The following PSMD1 variants were observed in gnomAD, a reference collection of about 807,000 sequenced individuals.
The protein encoded by PSMD1 is 26S proteasome non-ATPase regulatory subunit 1.
In PSMD1, 18 loss-of-function variants were observed where a neutral mutation model predicts 119.0. The observed-to-expected ratio is 0.15, with a 90% CI of 0.10 to 0.22. The LOEUF (loss-of-function observed/expected upper bound fraction) is 0.22, where lower values mean the gene tolerates loss of function less well. PSMD1 is among the 10% of genes least tolerant of loss of function. The pLI is 1.00. For missense variants in PSMD1, 702 were observed against 1,158.5 expected (o/e 0.61, Z 5.72); for synonymous variants, 374 against 396.6 (o/e 0.94, Z 0.68).
intron 7 of PSMD1, among the ~76,000 whole-genome samples, chr2:231,074,214 T>G (rs1180174113): frequency 1.3e-5 from 2 of 152,180 alleles, no homozygotes; most frequent in African/African-American, 4.8e-5. Flanking sequence ...CAAGCAATTC[T>G]CCTGCCTCAG....
chr2:231,114,188 G>A (rs1251133170), intron 16 of PSMD1, among the ~76,000 whole-genome samples: 1 of 152,012 alleles, frequency 6.6e-6, no homozygotes, highest in Non-Finnish European at 1.5e-5. Flanking sequence ...TAACTTTTTA[G>A]CATTATTATG....
rs1696898521 is a variant in PSMD1 at position 231,170,944 on chromosome 2, C to G, written c.*9+223C>G. ...ACTCTACTCACGTTATTCAAAGTGGCTGGTCTGCAAACTATTTTTATAGGT... is the reference window on the plus strand; with the variant it reads ...ACTCTACTCACGTTATTCAAAGTGGGTGGTCTGCAAACTATTTTTATAGGT... On this transcript the variant is annotated intron_variant, in intron 24 of 24. Transcript: ENST00000308696. The surrounding 1 kb of genome is among the most constrained non-coding windows in gnomAD (Gnocchi z 4.1). 6.6e-6 allele frequency among the ~76,000 whole-genome samples: 1 copy of G among 152,142 alleles called. No homozygotes were observed. The highest frequency in any genetic ancestry group is 2.4e-5 in the African/African-American group (1 of 41,422).
At position 231,125,632 on chromosome 2, in the gene PSMD1, G is replaced by A. The variant is rs369463875; in HGVS notation, c.1884-13104G>A. Among the ~76,000 whole-genome samples the A allele has an allele frequency of 1.2e-4, 19 of 152,340 alleles. No homozygotes were observed. In the South Asian group the frequency reaches 2.7e-3, roughly 22 times the overall value. On this transcript the variant is annotated intron_variant, in intron 16 of 24. Transcript: ENST00000308696. Reference sequence around the variant, plus strand: ...AAACAGATGATCTCTGGGTTTAGGAGTGGTTCACAGCTTTTTTTCCCCATA... The same window carrying A: ...AAACAGATGATCTCTGGGTTTAGGAATGGTTCACAGCTTTTTTTCCCCATA...
At chr2:231,129,138 A>G (rs1695796568) in intron 16 of PSMD1, among the ~76,000 whole-genome samples, 1 of 152,228 alleles carries the variant, frequency 6.6e-6, no homozygotes, top group Non-Finnish European at 1.5e-5. Context: ...ACTTGTTTAA[A>G]TATCAGAAGT....
chr2:231,076,967 A>G (rs529472111), intron 8 of PSMD1, 67 bp from the exon 9 acceptor site: 40 of 1,416,500 alleles, frequency 2.8e-5, no homozygotes, highest in Middle Eastern at 2.1e-4. Context: ...GATGAAATAA[A>G]ATTGGGTTAC....
intron 16 of PSMD1, among the ~76,000 whole-genome samples, chr2:231,099,774 A>G (rs1017078144): frequency 1.3e-5 from 2 of 152,200 alleles, no homozygotes; most frequent in African/African-American, 2.4e-5. Flanking sequence ...GTGAGGTTCA[A>G]TCCCCCGAAA....
chr2:231,094,707 G>A (rs920007233), intron 16 of PSMD1, among the ~76,000 whole-genome samples: 8 of 152,312 alleles, frequency 5.3e-5, no homozygotes, highest in Middle Eastern at 6.8e-3. Flanking sequence ...AAAGCGTTGG[G>A]TATGGGGGAG....
intron 1 of PSMD1, among the ~76,000 whole-genome samples, chr2:231,057,850 ATAGCTG>A (rs1243476232): frequency 1.3e-5 from 2 of 152,250 alleles, no homozygotes; most frequent in Non-Finnish European, 2.9e-5. Flanking sequence ...TGACTTGCAT[ATAGCTG>A]TCCAGAGCCT....
At chr2:231,160,826 A>T (rs1242677730) in intron 19 of PSMD1, among the ~76,000 whole-genome samples, 5 of 152,210 alleles carry the variant, frequency 3.3e-5, no homozygotes, top group Non-Finnish European at 7.3e-5. Context: ...TGGATAACTC[A>T]CTAATTCCAA....
chr2:231,069,959 A>G lies in PSMD1; in HGVS notation c.511-66A>G, dbSNP rs929333002. 3.3e-6 allele frequency: 4 copies of G among 1,222,454 alleles called. No individual in the cohort carries two copies. The African/African-American group carries it at 4.7e-5, about 14-fold the overall frequency. 75.7% of individuals were successfully genotyped at this position (1,222,454 alleles called of 1,614,324 possible). A position where few individuals can be genotyped will look rare whatever the true frequency, so the allele number is the denominator to read the frequency against. Reference sequence around the variant, plus strand: ...TAAAGAAGCAAGATTAAAATAATTCAATTTCTAAATAAATATAATGCTGCA... The same window carrying G: ...TAAAGAAGCAAGATTAAAATAATTCGATTTCTAAATAAATATAATGCTGCA... On this transcript the variant is annotated intron_variant, in intron 5 of 24. Coordinates refer to ENST00000308696, the MANE Select transcript of PSMD1 (RefSeq NM_002807.4).
At chr2:231,086,752 T>C (rs1209209989) in intron 15 of PSMD1, among the ~76,000 whole-genome samples, 2 of 152,074 alleles carry the variant, frequency 1.3e-5, no homozygotes, top group African/African-American at 2.4e-5. Flanking sequence ...TCAATAACTT[T>C]TTCTAAACTG....
chr2:231,108,002 TTA>T (rs1223551816), intron 16 of PSMD1, among the ~76,000 whole-genome samples: 3 of 152,348 alleles, frequency 2.0e-5, no homozygotes, highest in Admixed American at 1.3e-4. Flanking sequence ...CAGAGGAAAA[TTA>T]TGACTGCATT....
At chr2:231,057,172 C>T (rs1449039614) in intron 1 of PSMD1, 131 bp downstream of exon 1, 1 of 1,157,294 alleles carries the variant, frequency 8.6e-7, no homozygotes, top group Non-Finnish European at 1.2e-6. Context: ...TGCCCAGGGC[C>T]CACCCCCGGG....
intron 16 of PSMD1, among the ~76,000 whole-genome samples, chr2:231,133,131 T>TA (rs1349162056): frequency 6.6e-6 from 1 of 152,168 alleles, no homozygotes; most frequent in African/African-American, 2.4e-5. Flanking sequence ...AATCTGTTGT[T>TA]AGAGAGTACA....
At chr2:231,065,965 G>A (rs1693900899) in intron 4 of PSMD1, among the ~76,000 whole-genome samples, 1 of 152,174 alleles carries the variant, frequency 6.6e-6, no homozygotes, top group Admixed American at 6.5e-5. Context: ...TATTTTTACT[G>A]TACCTTTTCT....
At chr2:231,072,131 A>C in intron 6 of PSMD1, 58 bp from the exon 7 acceptor site, 2 of 1,413,782 alleles carry the variant, frequency 1.4e-6, no homozygotes, top group Non-Finnish European at 2.0e-6. Flanking sequence ...TGTCTCCTTA[A>C]GTACCTTGTA....
intron 5 of PSMD1, 22 bp downstream of exon 5, chr2:231,067,133 AGAAATTATT>A: frequency 6.6e-7 from 1 of 1,524,280 alleles, no homozygotes; most frequent in Non-Finnish European, 8.8e-7. Context: ...ATGTTATTTT[AGAAATTATT>A]GTTGATAGGG....
chr2:231,123,771 T>C, intron 16 of PSMD1: 1 of 1,605,222 alleles, frequency 6.2e-7, no homozygotes, highest in Non-Finnish European at 8.5e-7. Context: ...CCATTTGCTG[T>C]TTTTCTGTGA....
At chr2:231,123,933 A>G (rs1695647595) in intron 16 of PSMD1, 1 of 662,464 alleles carries the variant, frequency 1.5e-6, no homozygotes, top group Admixed American at 2.2e-5. Context: ...ATGAGCGCAT[A>G]CACACATCTG....
Sources: allele counts gnomAD v4.1 joint callset (sites outside exome capture counted in the v4.1 genomes callset), GRCh38; gene constraint gnomAD v4.1.1; non-coding constraint Gnocchi (gnomAD v3.1); transcripts MANE v1.5; gene names NCBI Gene and HGNC (gene_info 2026-07-23, HGNC 2026-07-21).